ERBB4: variants seen among roughly 807,000 people sequenced by gnomAD.
ERBB4 encodes receptor tyrosine-protein kinase erbB-4.
Under a neutral mutation model 158.0 loss-of-function variants are expected in ERBB4, and 42 were observed. The observed-to-expected ratio is 0.27, with a 90% CI of 0.21 to 0.34. The LOEUF (loss-of-function observed/expected upper bound fraction) is 0.34. ERBB4 is among the 10% of genes least tolerant of loss of function. ERBB4 has a pLI of 1.00. For missense variants in ERBB4, 1,333 were observed against 1,624.1 expected, an observed-to-expected ratio of 0.82 and a Z score of 3.08; for synonymous variants, 583 against 558.7, an observed-to-expected ratio of 1.04 and a Z score of -0.61.
chr2:212,457,773 A>G (rs1180454848), intron 1 of ERBB4, among the ~76,000 whole-genome samples: 1 of 152,050 alleles, frequency 6.6e-6, no homozygotes, highest in Non-Finnish European at 1.5e-5. Flanking sequence ...AATTAGGCCT[A>G]TATGTGAAAT....
chr2:211,569,342 T>C (rs2067645992), intron 19 of ERBB4, among the ~76,000 whole-genome samples: 1 of 152,246 alleles, frequency 6.6e-6, no homozygotes, highest in Non-Finnish European at 1.5e-5. Context: ...GTTAGTTTTA[T>C]ATTTCTTCAC....
chr2:211,929,846 A>T (rs936279805), intron 3 of ERBB4, among the ~76,000 whole-genome samples: 2 of 152,202 alleles, frequency 1.3e-5, no homozygotes, highest in African/African-American at 4.8e-5. Flanking sequence ...GCATCTATAC[A>T]CATGTACATA....
chr2:212,384,140 C>T (rs765483592), intron 1 of ERBB4, among the ~76,000 whole-genome samples: 6 of 151,596 alleles, frequency 4.0e-5, no homozygotes, highest in Non-Finnish European at 8.9e-5. Flanking sequence ...AGCACAGAAG[C>T]TGCTTTTCCT....
intron 1 of ERBB4, among the ~76,000 whole-genome samples, chr2:212,498,150 G>A (rs13382605): frequency 0.1 from 15,402 of 151,836 alleles, 1,054 homozygotes; most frequent in Non-Finnish European, 0.15. Context: ...GTGCACAGCC[G>A]TGTACACAAT....
intron 19 of ERBB4, among the ~76,000 whole-genome samples, chr2:211,564,639 C>T (rs1241502629): frequency 6.6e-6 from 1 of 152,080 alleles, no homozygotes; most frequent in Non-Finnish European, 1.5e-5. Context: ...GATACATGTA[C>T]CTTCCATGCT....
At chr2:212,304,327 G>C (rs2086729840) in intron 1 of ERBB4, among the ~76,000 whole-genome samples, 1 of 151,442 alleles carries the variant, frequency 6.6e-6, no homozygotes, top group South Asian at 2.1e-4. Context: ...CCTGAATATG[G>C]AAACATTCTA....
chr2:212,505,005 A>G (rs551045324), intron 1 of ERBB4, among the ~76,000 whole-genome samples: 2 of 152,198 alleles, frequency 1.3e-5, no homozygotes, highest in Non-Finnish European at 2.9e-5. Flanking sequence ...GCATTCTTAG[A>G]AAGGGATTTG....
intron 1 of ERBB4, among the ~76,000 whole-genome samples, chr2:212,276,580 G>A (rs2085544960): frequency 6.6e-6 from 1 of 151,742 alleles, no homozygotes; most frequent in Non-Finnish European, 1.5e-5. Context: ...AGAGATTATG[G>A]TCAACAGTAT....
At chr2:211,916,908 T>C (rs2079709283) in intron 3 of ERBB4, among the ~76,000 whole-genome samples, 1 of 152,174 alleles carries the variant, frequency 6.6e-6, no homozygotes. Flanking sequence ...TCACAAAATG[T>C]AGACTGCTAA....
rs1559419685 is a variant in ERBB4 at position 212,062,396 on chromosome 2, A to ATTTTTTTTT, written c.234+62355_234+62356insAAAAAAAAA. Among the ~76,000 whole-genome samples, 69 of 96,526 alleles carry ATTTTTTTTT rather than the reference A, an allele frequency of 7.1e-4. 4 individuals carry two copies. Among genetic ancestry groups the ATTTTTTTTT allele is most frequent in the Non-Finnish European group, 1.1e-3 (53 of 48,976 alleles). The allele number at this position is 96,526 out of a possible 152,430, so 63.3% of individuals were successfully genotyped here. ...CTCCTACTACTCTTCTCACTTGTCA[A>ATTTTTTTTT]TTCTTTTTTTTTTTTTTTTTTTTTT... On this transcript the variant is annotated intron_variant, in intron 2 of 27. Transcript: ENST00000342788.
chr2:211,383,749 T>C lies in ERBB4; in HGVS notation c.3793A>G (p.Lys1265Glu), dbSNP rs1559112872. Residue 1265 changes from lysine to glutamate, a missense_variant, in exon 28 of 28, where the codon AAA becomes GAA. Lys to Glu is a moderately conservative substitution (Grantham distance 56). Transcript: ENST00000342788. ...CGCCCATTCTGTTTATAAAAATATT[T>C]TGTGCTGTACTCCTGCAGGTAGTCT... ...HPDYLQEYST[K>E]YFYKQNGRIR... The C allele has an allele frequency of 6.2e-7, 1 of 1,614,032 alleles. No homozygotes were observed. The highest frequency in any genetic ancestry group is 8.5e-7 in the Non-Finnish European group (1 of 1,179,994).
intron 16 of ERBB4, among the ~76,000 whole-genome samples, chr2:211,651,810 C>T (rs190120438): frequency 1.4e-4 from 21 of 152,242 alleles, no homozygotes; most frequent in African/African-American, 5.1e-4. Flanking sequence ...CTGCCAACAA[C>T]CTGAATGAAC....
At chr2:212,191,663 T>G (rs1046934299) in intron 1 of ERBB4, among the ~76,000 whole-genome samples, 1 of 149,084 alleles carries the variant, frequency 6.7e-6, no homozygotes, top group South Asian at 2.1e-4. Context: ...GCGTTATACA[T>G]GTCATATATC....
chr2:211,704,091 C>T lies in ERBB4; in HGVS notation c.1289+13G>A, dbSNP rs2106044744. The T allele has an allele frequency of 1.4e-6, 2 of 1,477,524 alleles. No individual in the cohort carries two copies. The highest frequency in any genetic ancestry group is 2.3e-5 in the East Asian group (1 of 44,182). 91.5% of individuals were successfully genotyped at this position (1,477,524 alleles called of 1,614,324 possible). A position where few individuals can be genotyped will look rare whatever the true frequency, so the allele number is the denominator to read the frequency against. On this transcript the variant is annotated intron_variant, in intron 11 of 27. Transcript: ENST00000342788. ...AATCTGTGAGCCCTGCAGCTTTAAA[C>T]ATATCCACTTACCTATAGAGTACTC...
intron 1 of ERBB4, among the ~76,000 whole-genome samples, chr2:212,256,712 G>A (rs1451469592): frequency 6.6e-6 from 1 of 152,024 alleles, no homozygotes; most frequent in Non-Finnish European, 1.5e-5. Context: ...GGGCCAATGA[G>A]GAACAGAACC....
intron 1 of ERBB4, among the ~76,000 whole-genome samples, chr2:212,396,475 G>C (rs1045030014): frequency 6.6e-6 from 1 of 152,082 alleles, no homozygotes; most frequent in African/African-American, 2.4e-5. Flanking sequence ...CTCTGAAAAA[G>C]GGGGATAATC....
At chr2:211,683,364 C>T (rs1469623728) in intron 12 of ERBB4, among the ~76,000 whole-genome samples, 2 of 152,150 alleles carry the variant, frequency 1.3e-5, no homozygotes, top group African/African-American at 4.8e-5. Context: ...AGCTCCATTG[C>T]TGCAACCTCT....
intron 1 of ERBB4, among the ~76,000 whole-genome samples, chr2:212,449,786 T>G (rs901612906): frequency 1.3e-5 from 2 of 152,096 alleles, no homozygotes; most frequent in Non-Finnish European, 2.9e-5. Flanking sequence ...GTACCAGGCT[T>G]GGATAAACAC....
chr2:212,118,730 T>A (rs1396412755), intron 2 of ERBB4, among the ~76,000 whole-genome samples: 4 of 151,902 alleles, frequency 2.6e-5, no homozygotes, highest in Admixed American at 6.6e-5. Context: ...TAAAAAAAAA[T>A]AGAAATTTTT....
Sources: allele counts gnomAD v4.1 joint callset (sites outside exome capture counted in the v4.1 genomes callset), GRCh38; gene constraint gnomAD v4.1.1; transcripts MANE v1.5; gene names NCBI Gene and HGNC (gene_info 2026-07-23, HGNC 2026-07-21).